ARID2: variants seen among roughly 807,000 people sequenced by gnomAD.
ARID2 encodes the protein AT-rich interactive domain-containing protein 2.
In ARID2, 32 loss-of-function variants were observed where a neutral mutation model predicts 184.6. The observed-to-expected ratio is 0.17, with a 90% confidence interval of 0.13 to 0.23. ARID2 has a LOEUF of 0.23. Among genes scored for constraint, ARID2 ranks in the 10% least tolerant of loss-of-function variants. ARID2 has a pLI of 1.00. For missense variants in ARID2, 1,696 were observed against 2,197.6 expected (o/e 0.77, Z 4.56); for synonymous variants, 836 against 772.6 (o/e 1.08, Z -1.36).
At chr12:45,789,143 T>C (rs1942247068) in intron 3 of ARID2, 1 of 152,220 alleles carries the variant, frequency 6.6e-6, no homozygotes, top group African/African-American at 2.4e-5. Context: ...GTTGTAAAAC[T>C]CACTACCTTA....
At chr12:45,899,449 CA>C (rs748006778) in intron 20 of ARID2, among the ~76,000 whole-genome samples, 12 of 137,124 alleles carry the variant, frequency 8.8e-5, no homozygotes, top group African/African-American at 3.0e-4. Context: ...GTAAAATATA[CA>C]AAAAAATTAG....
chr12:45,730,997 C>T (rs948697030), intron 2 of ARID2, among the ~76,000 whole-genome samples: 2 of 151,728 alleles, frequency 1.3e-5, no homozygotes, highest in East Asian at 1.9e-4. Context: ...CCAAACCCCC[C>T]CACCCCCAAA....
chr12:45,853,007 G>T, intron 15 of ARID2, 111 bp downstream of exon 15: 3 of 1,411,940 alleles, frequency 2.1e-6, no homozygotes, highest in Non-Finnish European at 2.8e-6. Flanking sequence ...TACTGTATCA[G>T]CTCACTTGTA....
chr12:45,780,207 A>G lies in ARID2; in HGVS notation c.285-31211A>G, dbSNP rs544767797. ...TAGACATTGCTGATACAAACTGACA[A>G]TCATCTGATGGAACTTACACTGCAG... is the stretch of plus-strand genomic sequence containing the variant. On this transcript the variant is annotated intron_variant, in intron 3 of 20. Transcript: ENST00000334344. 9.8e-4 allele frequency among the ~76,000 whole-genome samples: 149 copies of G among 152,312 alleles called. 1 individual carries two copies. Among genetic ancestry groups the G allele is most frequent in the African/African-American group, 3.1e-3 (128 of 41,572 alleles).
rs143548841 is a variant in ARID2, at chr12:45,751,137, A to G, written c.284+19823A>G. On this transcript the variant is annotated intron_variant, in intron 3 of 20. Transcript: ENST00000334344. ...GCTAATAGCACAAGGAGAAAAATAA[A>G]GCAAATAAAGGGAGATGGCTTTTGC... 5.1e-3 allele frequency among the ~76,000 whole-genome samples: 777 copies of G among 152,344 alleles called. 6 individuals carry two copies. The highest frequency in any genetic ancestry group is 0.018 in the African/African-American group (746 of 41,572).
intron 20 of ARID2, among the ~76,000 whole-genome samples, chr12:45,901,862 G>A (rs1944464705): frequency 6.6e-6 from 1 of 152,018 alleles, no homozygotes. Flanking sequence ...TGGGGGGTGG[G>A]GGAGGGTGTC....
At chr12:45,735,722 T>C (rs1272456966) in intron 3 of ARID2, among the ~76,000 whole-genome samples, 2 of 152,152 alleles carry the variant, frequency 1.3e-5, no homozygotes, top group African/African-American at 4.8e-5. Flanking sequence ...GAGCAGAAAG[T>C]GGAGAAAGTT....
intron 6 of ARID2, among the ~76,000 whole-genome samples, chr12:45,822,751 A>T (rs968865603): frequency 6.6e-6 from 1 of 152,178 alleles, no homozygotes; most frequent in Non-Finnish European, 1.5e-5. Flanking sequence ...TTATATAATG[A>T]AACAAGGGAT....
At chr12:45,889,890 A>G (rs118062947) in intron 16 of ARID2, among the ~76,000 whole-genome samples, 1,722 of 152,352 alleles carry the variant, frequency 0.011, 13 homozygotes, top group Middle Eastern at 0.031. Context: ...TTGAGTCGAG[A>G]TCGCACCATT....
chr12:45,742,983 A>C (rs1260377923), intron 3 of ARID2, among the ~76,000 whole-genome samples: 4 of 152,066 alleles, frequency 2.6e-5, no homozygotes, highest in African/African-American at 9.7e-5. Context: ...AATTTCTCTA[A>C]TATAGGGGAT....
intron 16 of ARID2, among the ~76,000 whole-genome samples, chr12:45,880,030 C>T (rs544777643): frequency 2.0e-5 from 3 of 152,210 alleles, no homozygotes; most frequent in African/African-American, 7.2e-5. Context: ...AAGAAAGGCC[C>T]TCTACCTTGC....
At position 45,729,898 on chromosome 12, in the gene ARID2, A is replaced by G; in HGVS notation, c.62A>G (p.Asp21Gly). The G allele has an allele frequency of 6.2e-7, 1 of 1,611,102 alleles. No individual in the cohort carries two copies. Among genetic ancestry groups the G allele is most frequent in the Non-Finnish European group, 8.5e-7 (1 of 1,178,912 alleles). ...DERRKGLAFL[D>G]ELRQFHHSRG... ...CGGAGAAAGGGACTCGCTTTCCTGG[A>G]CGAGCTGCGGCAGTTCCACCACAGC... Residue 21 changes from aspartate to glycine, a missense_variant, in exon 1 of 21, where the codon GAC becomes GGC. Physicochemically the swap from Asp to Gly is moderately conservative, Grantham distance 94. This residue lies in a region of ARID2 where 54 missense variants were observed against 59.9 expected (regional missense o/e 0.90). Transcript: ENST00000334344.
intron 3 of ARID2, among the ~76,000 whole-genome samples, chr12:45,767,289 C>G (rs755103267): frequency 6.6e-6 from 1 of 151,980 alleles, no homozygotes; most frequent in East Asian, 1.9e-4. Flanking sequence ...GAATATTACC[C>G]AATAAGTGAT....
At chr12:45,792,792 GCTTTAT>G (rs1443178153) in intron 3 of ARID2, among the ~76,000 whole-genome samples, 1 of 151,898 alleles carries the variant, frequency 6.6e-6, no homozygotes, top group East Asian at 1.9e-4. Context: ...TATAAAATTT[GCTTTAT>G]CTTTAATAGA....
intron 15 of ARID2, among the ~76,000 whole-genome samples, chr12:45,857,349 G>A (rs911685118): frequency 7.9e-5 from 12 of 152,150 alleles, no homozygotes; most frequent in African/African-American, 2.9e-4. Context: ...GCATTTAGTT[G>A]TAGCCATAAA....
rs1276331648 is a variant in ARID2, at chr12:45,907,182, A to G, written c.*2104A>G. 2 of 232,788 alleles carry G rather than the reference A, an allele frequency of 8.6e-6. No individual in the cohort carries two copies. Among genetic ancestry groups the G allele is most frequent in the African/African-American group, 2.2e-5 (1 of 45,332 alleles). The allele number at this position is 232,788 out of a possible 1,614,324, so 14.4% of individuals were successfully genotyped here. A position where few individuals can be genotyped will look rare whatever the true frequency, so the allele number is the denominator to read the frequency against. The stretch of plus-strand genomic sequence containing the variant: ...CTGAAATCATGTGGGTATCCCTAGG[A>G]TGGCCTTCAGAGCCCTCAAACTTAC... On this transcript the variant is annotated 3_prime_UTR_variant, in exon 21 of 21. Transcript: ENST00000334344.
rs1349039413 is a variant in ARID2, at chr12:45,773,933, TAGC to T, written c.285-37482_285-37480del. On this transcript the variant is annotated intron_variant, in intron 3 of 20. Transcript: ENST00000334344. ...ATGGGTAACCAGAGCACTAGGGAAA[TAGC>T]AGTAAGTTATTTATCTTCCCCTGTG... is the stretch of plus-strand genomic sequence containing the variant. 2.0e-5 allele frequency among the ~76,000 whole-genome samples: 3 copies of T among 152,244 alleles called. No individual in the cohort carries two copies. The East Asian group carries it at 5.8e-4, about 29-fold the overall frequency.
chr12:45,729,944 G>C lies in ARID2; in HGVS notation c.92+16G>C, dbSNP rs751090831. The C allele has an allele frequency of 1.2e-5, 19 of 1,605,182 alleles. No homozygotes were observed. Among genetic ancestry groups the C allele is most frequent in the Admixed American group, 3.4e-5 (2 of 58,818 alleles). Reference sequence around the variant, plus strand: ...ACAGCAGAGGGTGAGAGCAGAACCGGGGGGGCAGCGCCGGGGCGAGCCGGG... The same window carrying C: ...ACAGCAGAGGGTGAGAGCAGAACCGCGGGGGCAGCGCCGGGGCGAGCCGGG... On this transcript the variant is annotated intron_variant, in intron 1 of 20. Transcript: ENST00000334344.
intron 3 of ARID2, among the ~76,000 whole-genome samples, chr12:45,744,642 TAAG>T (rs1227971807): frequency 1.3e-5 from 2 of 152,156 alleles, no homozygotes; most frequent in Non-Finnish European, 2.9e-5. Flanking sequence ...TATTTAATAA[TAAG>T]GCAATAATTT....
Sources: gnomAD v4.1 joint callset for allele counts (sites outside exome capture counted in the v4.1 genomes callset) on GRCh38, gnomAD v4.1.1 for gene constraint, gnomAD v4.1.1 regional missense constraint, MANE v1.5 for transcripts, NCBI Gene and HGNC (gene_info 2026-07-23, HGNC 2026-07-21) for gene names.